Variants in FBXL17 observed in about 807,000 individuals in gnomAD.
The protein encoded by FBXL17 is F-box and leucine rich repeat protein 17, also known as F-box/LRR-repeat protein 17.
Under a neutral mutation model 66.2 loss-of-function variants are expected in FBXL17, and 22 were observed. The observed-to-expected ratio is 0.33, with a 90% CI of 0.24 to 0.47. FBXL17 has a LOEUF of 0.47. Ranked by LOEUF, FBXL17 falls within the 20% of genes least tolerant of loss-of-function variation. FBXL17 has a pLI of 1.00. For synonymous variants in FBXL17, 474 were observed against 400.5 expected (o/e 1.18, Z -2.19); for missense variants, 878 against 948.2 (o/e 0.93, Z 0.97).
At chr5:108,193,700 T>C (rs1480220095) in intron 5 of FBXL17, among the ~76,000 whole-genome samples, 3 of 148,502 alleles carry the variant, frequency 2.0e-5, no homozygotes, top group African/African-American at 7.3e-5. Flanking sequence ...CTAAATAGCC[T>C]TAAAGCTTCA....
At chr5:108,214,876 A>G (rs868041362) in intron 5 of FBXL17, among the ~76,000 whole-genome samples, 1 of 152,340 alleles carries the variant, frequency 6.6e-6, no homozygotes, top group Middle Eastern at 3.4e-3. Context: ...CCAATATCTA[A>G]TTTCAGAACA....
Position 108,154,380 on chromosome 5 carries a change from G to A in FBXL17, c.1745+31737C>T, listed in dbSNP as rs1458725228. ...AGGCCGAGGCAGGCGGATCACCTGAGGTCAGGAGTTCGAGACCAGCCTCAA... is the reference window on the plus strand; with the variant it reads ...AGGCCGAGGCAGGCGGATCACCTGAAGTCAGGAGTTCGAGACCAGCCTCAA... On this transcript the variant is annotated intron_variant, in intron 6 of 8. Transcript: ENST00000542267. Among the ~76,000 whole-genome samples, 12 of 150,328 alleles carry A rather than the reference G, an allele frequency of 8.0e-5. No homozygotes were observed. In the East Asian group the frequency reaches 2.4e-3, roughly 30 times the overall value.
chr5:107,928,154 A>T (rs187762547), intron 7 of FBXL17, among the ~76,000 whole-genome samples: 1 of 152,176 alleles, frequency 6.6e-6, no homozygotes, highest in East Asian at 1.9e-4. Flanking sequence ...TATATCTTAA[A>T]ATCTGGTAAA....
intron 7 of FBXL17, among the ~76,000 whole-genome samples, chr5:107,917,816 G>A (rs1399457314): frequency 6.6e-6 from 1 of 152,124 alleles, no homozygotes; most frequent in Admixed American, 6.6e-5. Context: ...ATTCCAAAAT[G>A]AGTTAAAGAA....
intron 3 of FBXL17, among the ~76,000 whole-genome samples, chr5:108,350,967 AATGCCATCACACTTGT>A (rs1747608482): frequency 6.6e-6 from 1 of 152,206 alleles, no homozygotes; most frequent in African/African-American, 2.4e-5. Flanking sequence ...GGTGACCACT[AATGCCATCACACTTGT>A]ATATGAGAAG....
chr5:107,897,485 T>G (rs373906360), intron 7 of FBXL17, among the ~76,000 whole-genome samples: 129 of 152,276 alleles, frequency 8.5e-4, no homozygotes, highest in African/African-American at 2.7e-3. Context: ...TTGGATGCTT[T>G]GTCCCTGAAG....
intron 3 of FBXL17, among the ~76,000 whole-genome samples, chr5:108,352,570 G>A (rs1747721153): frequency 6.6e-6 from 1 of 152,160 alleles, no homozygotes; most frequent in Non-Finnish European, 1.5e-5. Flanking sequence ...GAGTGCAGTG[G>A]TGTGATCTCG....
At chr5:107,880,804 T>C in intron 8 of FBXL17, 2 of 1,352,226 alleles carry the variant, frequency 1.5e-6, no homozygotes, top group Non-Finnish European at 1.9e-6. Flanking sequence ...GATTACTTTT[T>C]CTTTCTACTT....
At chr5:108,273,819 G>A (rs979924737) in intron 4 of FBXL17, among the ~76,000 whole-genome samples, 1 of 151,922 alleles carries the variant, frequency 6.6e-6, no homozygotes, top group Non-Finnish European at 1.5e-5. Flanking sequence ...CACATAGCTT[G>A]CTGTTTTCAT....
chr5:108,316,641 A>G (rs1012099356), intron 4 of FBXL17, among the ~76,000 whole-genome samples: 8 of 151,440 alleles, frequency 5.3e-5, no homozygotes, highest in African/African-American at 1.9e-4. Flanking sequence ...ATGTCTATTC[A>G]TTATTATACT....
chr5:108,135,156 G>C (rs989904913), intron 6 of FBXL17, among the ~76,000 whole-genome samples: 2 of 152,058 alleles, frequency 1.3e-5, no homozygotes, highest in African/African-American at 4.8e-5. Context: ...TCATCTTACT[G>C]CTGTGCTGAC....
chr5:108,223,844 A>G (rs1032940872), intron 5 of FBXL17, among the ~76,000 whole-genome samples: 3 of 152,084 alleles, frequency 2.0e-5, no homozygotes, highest in African/African-American at 4.8e-5. Flanking sequence ...AGCACAATAT[A>G]TTAACATTTA....
chr5:108,085,941 T>C (rs1309164810), intron 6 of FBXL17, among the ~76,000 whole-genome samples: 1 of 151,984 alleles, frequency 6.6e-6, no homozygotes, highest in Non-Finnish European at 1.5e-5. Context: ...ATAATAACAA[T>C]AGTAAAGAAC....
intron 7 of FBXL17, among the ~76,000 whole-genome samples, chr5:107,929,323 C>T (rs11959575): frequency 0.24 from 36,686 of 152,084 alleles, 5,037 homozygotes; most frequent in Middle Eastern, 0.34. Flanking sequence ...TTCTTTCCTA[C>T]TCTGGTCTCA....
At chr5:108,025,342 T>A (rs1046395740) in intron 6 of FBXL17, among the ~76,000 whole-genome samples, 3 of 152,178 alleles carry the variant, frequency 2.0e-5, no homozygotes, top group African/African-American at 4.8e-5. Flanking sequence ...TTTAGGATGT[T>A]CTTTCCTAAG....
At chr5:108,195,239 G>A (rs1753632612) in intron 5 of FBXL17, among the ~76,000 whole-genome samples, 1 of 152,226 alleles carries the variant, frequency 6.6e-6, no homozygotes, top group Non-Finnish European at 1.5e-5. Flanking sequence ...AGACAAGCTG[G>A]ATGGAAAAGA....
intron 7 of FBXL17, among the ~76,000 whole-genome samples, chr5:107,936,554 A>ATTCTTTTGTTCTACTT (rs58144302): frequency 6.6e-6 from 1 of 152,036 alleles, no homozygotes; most frequent in Non-Finnish European, 1.5e-5. Flanking sequence ...TTTAACAACT[A>ATTCTTTTGTTCTACTT]TTCTTGAATT....
chr5:108,020,237 A>G (rs1466898588), intron 7 of FBXL17, among the ~76,000 whole-genome samples: 1 of 151,998 alleles, frequency 6.6e-6, no homozygotes, highest in Non-Finnish European at 1.5e-5. Context: ...TTTCTGCTTA[A>G]AACTCTGTAA....
At chr5:108,318,158 A>C (rs1287246714) in intron 4 of FBXL17, among the ~76,000 whole-genome samples, 1 of 151,686 alleles carries the variant, frequency 6.6e-6, no homozygotes, top group Non-Finnish European at 1.5e-5. Context: ...CACAACAAAG[A>C]TGCCTTGTAT....
Sources: gnomAD v4.1 joint callset for allele counts (sites outside exome capture counted in the v4.1 genomes callset) on GRCh38, gnomAD v4.1.1 for gene constraint, MANE v1.5 for transcripts, NCBI Gene and HGNC (gene_info 2026-07-23, HGNC 2026-07-21) for gene names.